The following DLEU7 variants were observed in gnomAD, a reference collection of about 807,000 sequenced individuals.
DLEU7 encodes the protein deleted in lymphocytic leukemia 7.
DLEU7 carries 17 observed loss-of-function variants against 16.0 expected under a neutral mutation model. The ratio of observed to expected loss-of-function variants is 1.06; its 90% CI spans 0.73 to 1.59. The LOEUF is 1.59. Ranked by LOEUF, DLEU7 falls within the 40% of genes most tolerant of loss-of-function variation. The pLI, the probability that DLEU7 is intolerant of heterozygous loss-of-function variation, is 0.00. For missense variants in DLEU7, 308 were observed against 314.9 expected (o/e 0.98, Z 0.17); for synonymous variants, 113 against 139.8 (o/e 0.81, Z 1.35).
At chr13:50,755,860 C>T (rs971563070) in intron 1 of DLEU7, among the ~76,000 whole-genome samples, 2 of 152,142 alleles carry the variant, frequency 1.3e-5, no homozygotes, top group African/African-American at 4.8e-5. Context: ...GAGGCAAGGT[C>T]TAGGGCTGAA....
intron 1 of DLEU7, among the ~76,000 whole-genome samples, chr13:50,817,523 T>C (rs1464639907): frequency 6.6e-6 from 1 of 152,106 alleles, no homozygotes; most frequent in Non-Finnish European, 1.5e-5. Flanking sequence ...ACACTGCTAG[T>C]TGAAGTTCTG....
chr13:50,829,322 T>C (rs1013972863), intron 1 of DLEU7, among the ~76,000 whole-genome samples: 3 of 152,194 alleles, frequency 2.0e-5, no homozygotes, highest in African/African-American at 4.8e-5. Flanking sequence ...AATTGTCCGA[T>C]TGCTTTATAG....
downstream of DLEU7, chr13:50,711,489 C>G (rs949448347): frequency 2.6e-5 from 4 of 152,142 alleles, no homozygotes; most frequent in African/African-American, 4.8e-5. Flanking sequence ...AAGAAAAAAG[C>G]CTGCTTTATA....
intron 1 of DLEU7, among the ~76,000 whole-genome samples, chr13:50,834,493 T>A (rs1297018253): frequency 6.6e-6 from 1 of 150,858 alleles, no homozygotes; most frequent in East Asian, 1.9e-4. Context: ...CATAATGAAA[T>A]ACCATCTCAT....
intron 1 of DLEU7, chr13:50,840,182 A>T (rs1877601736): frequency 6.6e-6 from 1 of 152,188 alleles, no homozygotes; most frequent in African/African-American, 2.4e-5. Flanking sequence ...ATTCCCGGAA[A>T]TCCTCCTGCA....
intron 1 of DLEU7, chr13:50,723,145 TTTC>T (rs1873668127): frequency 6.6e-6 from 1 of 152,210 alleles, no homozygotes; most frequent in African/African-American, 2.4e-5. Context: ...ACAGATTAAA[TTTC>T]TTCAAGTGGA....
intron 1 of DLEU7, among the ~76,000 whole-genome samples, chr13:50,752,665 C>G (rs597161): frequency 1.3e-5 from 2 of 150,470 alleles, no homozygotes; most frequent in Non-Finnish European, 3.0e-5. Flanking sequence ...CTTAAGGCGG[C>G]GCGTCTGGAG....
At chr13:50,824,763 A>G (rs939802226) in intron 1 of DLEU7, among the ~76,000 whole-genome samples, 1 of 152,202 alleles carries the variant, frequency 6.6e-6, no homozygotes, top group Admixed American at 6.5e-5. Context: ...AACACATAGC[A>G]AAAACAAACA....
intron 1 of DLEU7, among the ~76,000 whole-genome samples, chr13:50,770,185 G>C (rs1875251667): frequency 6.6e-6 from 1 of 152,104 alleles, no homozygotes; most frequent in Non-Finnish European, 1.5e-5. Flanking sequence ...AGACGATGGG[G>C]TTTTCTAAAT....
chr13:50,759,314 T>TTA (rs1178896531), intron 1 of DLEU7, among the ~76,000 whole-genome samples: 1 of 152,208 alleles, frequency 6.6e-6, no homozygotes, highest in Admixed American at 6.5e-5. Context: ...CACTTAACTA[T>TTA]TATGGGTCTT....
intron 1 of DLEU7, among the ~76,000 whole-genome samples, chr13:50,836,302 G>T (rs994351787): frequency 1.3e-5 from 2 of 152,154 alleles, no homozygotes; most frequent in African/African-American, 4.8e-5. Flanking sequence ...GGAGATATGG[G>T]GGTGGGAGGG....
intron 1 of DLEU7, among the ~76,000 whole-genome samples, chr13:50,735,504 T>C (rs1429732348): frequency 6.6e-6 from 1 of 152,038 alleles, no homozygotes; most frequent in African/African-American, 2.4e-5. Flanking sequence ...CCCCAAATAT[T>C]TGGAAATTAA....
chr13:50,815,450 C>A lies in DLEU7; in HGVS notation c.459+27738G>T, dbSNP rs182683110. 4.6e-5 allele frequency among the ~76,000 whole-genome samples: 7 copies of A among 152,230 alleles called. No individual in the cohort carries two copies. In the East Asian group the frequency reaches 1.2e-3, roughly 25 times the overall value. On this transcript the variant is annotated intron_variant, in intron 1 of 1. Coordinates refer to the DLEU7 transcript ENST00000400393. ...ATACAAAAAATTACACACACATATA[C>A]GCACACATACAGAGCCTTACTGAGT...
At chr13:50,715,297 T>A (rs574568828) in intron 1 of DLEU7, 1 of 152,238 alleles carries the variant, frequency 6.6e-6, no homozygotes, top group African/African-American at 2.4e-5. Flanking sequence ...CATCTAAAAA[T>A]CTGTTACCTT....
At chr13:50,719,163 C>T (rs1873523761) in intron 1 of DLEU7, among the ~76,000 whole-genome samples, 1 of 152,068 alleles carries the variant, frequency 6.6e-6, no homozygotes, top group Non-Finnish European at 1.5e-5. Flanking sequence ...GTGGAAGGCC[C>T]TCATCATTCT....
In DLEU7 at chr13:50,782,707, G is replaced by A. The variant is rs114228412; in HGVS notation, c.459+60481C>T. 3.1e-3 allele frequency among the ~76,000 whole-genome samples: 473 copies of A among 150,200 alleles called. 1 individual carries two copies. The highest frequency in any genetic ancestry group is 0.011 in the African/African-American group (450 of 40,802). On this transcript the variant is annotated intron_variant, in intron 1 of 1. Coordinates refer to the DLEU7 transcript ENST00000400393. ...TTCCTTACCATATTCCTAGCATATT[G>A]CACAGGACTCAAAATTGTCTTTTGA... is the stretch of plus-strand genomic sequence containing the variant.
intron 1 of DLEU7, among the ~76,000 whole-genome samples, chr13:50,735,819 C>G (rs1363482315): frequency 6.6e-6 from 1 of 152,176 alleles, no homozygotes; most frequent in Non-Finnish European, 1.5e-5. Context: ...CGCCTCACAT[C>G]AGTCGGCATG....
chr13:50,783,915 G>C (rs1191807658), intron 1 of DLEU7, among the ~76,000 whole-genome samples: 1 of 152,108 alleles, frequency 6.6e-6, no homozygotes, highest in African/African-American at 2.4e-5. Flanking sequence ...GGCCCTCTAG[G>C]CCTGTGCTGT....
chr13:50,805,578 C>A (rs1876365155), intron 1 of DLEU7, among the ~76,000 whole-genome samples: 1 of 151,746 alleles, frequency 6.6e-6, no homozygotes, highest in Non-Finnish European at 1.5e-5. Context: ...ATCATATAAC[C>A]CTTTTAAATA....
Sources: gnomAD v4.1 joint callset for allele counts (sites outside exome capture counted in the v4.1 genomes callset) on GRCh38, gnomAD v4.1.1 for gene constraint, MANE v1.5 for transcripts, NCBI Gene and HGNC (gene_info 2026-07-23, HGNC 2026-07-21) for gene names.